Variants in HTR7 observed in about 807,000 individuals in gnomAD.
HTR7 encodes the protein 5-HT-7.
Under a neutral mutation model 34.0 loss-of-function variants are expected in HTR7, and 16 were observed. That is an observed-to-expected ratio of 0.47 (90% confidence interval 0.32 to 0.71). The LOEUF (loss-of-function observed/expected upper bound fraction) is 0.71, where lower values mean the gene tolerates loss of function less well. Ranked by LOEUF, HTR7 falls within the 30% of genes least tolerant of loss-of-function variation. The pLI, the probability that HTR7 is intolerant of heterozygous loss-of-function variation, is 0.04. For synonymous variants in HTR7, 265 were observed against 260.2 expected (o/e 1.02, Z -0.18); for missense variants, 504 against 625.5 (o/e 0.81, Z 2.07).
chr10:90,822,450 T>A (rs959899608), intron 1 of HTR7, among the ~76,000 whole-genome samples: 2 of 152,234 alleles, frequency 1.3e-5, no homozygotes, highest in African/African-American at 4.8e-5. Context: ...ATTCAAGACA[T>A]GGCCTGGCTG....
chr10:90,754,249 A>T (rs1038269963), intron 1 of HTR7, among the ~76,000 whole-genome samples: 9 of 152,104 alleles, frequency 5.9e-5, no homozygotes, highest in African/African-American at 1.7e-4. Flanking sequence ...ATAAGTTTAT[A>T]CAAAAGAAAA....
chr10:90,802,200 G>A (rs528538492), intron 1 of HTR7, among the ~76,000 whole-genome samples: 1 of 152,288 alleles, frequency 6.6e-6, no homozygotes, highest in African/African-American at 2.4e-5. Flanking sequence ...ATGTGCTTGG[G>A]TTACTTTTCT....
At chr10:90,775,668 C>T (rs1845194677) in intron 1 of HTR7, among the ~76,000 whole-genome samples, 1 of 152,166 alleles carries the variant, frequency 6.6e-6, no homozygotes, top group Non-Finnish European at 1.5e-5. Flanking sequence ...TTTTTTAGTG[C>T]TCACTCAGGC....
intron 1 of HTR7, among the ~76,000 whole-genome samples, chr10:90,785,585 C>T (rs1047584853): frequency 1.3e-5 from 2 of 152,154 alleles, no homozygotes; most frequent in Non-Finnish European, 2.9e-5. Context: ...GCACTAAATA[C>T]ATATGAATAA....
intron 1 of HTR7, among the ~76,000 whole-genome samples, chr10:90,831,808 C>T (rs556639350): frequency 8.5e-5 from 13 of 152,236 alleles, no homozygotes; most frequent in Admixed American, 6.5e-4. Context: ...TATTTACAAA[C>T]CCTGAGCTAG....
intron 1 of HTR7, among the ~76,000 whole-genome samples, chr10:90,806,907 T>G (rs994337067): frequency 6.6e-6 from 1 of 152,114 alleles, no homozygotes; most frequent in Non-Finnish European, 1.5e-5. Flanking sequence ...AAAGATAGAC[T>G]GGGGCAACAA....
intron 1 of HTR7, among the ~76,000 whole-genome samples, chr10:90,759,187 CAAAA>C (rs35551588): frequency 3.3e-5 from 4 of 119,598 alleles, no homozygotes; most frequent in Admixed American, 8.6e-5. Context: ...AACTCTGTCT[CAAAA>C]AAAAAAAAAA....
intron 1 of HTR7, among the ~76,000 whole-genome samples, chr10:90,772,893 C>A (rs1223179381): frequency 6.6e-6 from 1 of 152,162 alleles, no homozygotes; most frequent in East Asian, 1.9e-4. Context: ...CCCTATTTTA[C>A]AAATGAGGAA....
intron 1 of HTR7, among the ~76,000 whole-genome samples, chr10:90,770,757 T>C (rs1239206576): frequency 1.3e-5 from 2 of 152,186 alleles, no homozygotes; most frequent in African/African-American, 4.8e-5. Context: ...CAGGTGCCCC[T>C]TGGCCCAAGC....
At chr10:90,791,926 C>T (rs1398365616) in intron 1 of HTR7, among the ~76,000 whole-genome samples, 1 of 152,020 alleles carries the variant, frequency 6.6e-6, no homozygotes, top group Non-Finnish European at 1.5e-5. Context: ...AATCTGTTTT[C>T]AGTATACTAC....
chr10:90,780,347 C>T (rs1432058728), intron 1 of HTR7, among the ~76,000 whole-genome samples: 1 of 152,064 alleles, frequency 6.6e-6, no homozygotes, highest in Non-Finnish European at 1.5e-5. Flanking sequence ...ACCAGCCTGG[C>T]CAATGTGGTG....
At chr10:90,799,572 C>CTAGAA (rs1845594314) in intron 1 of HTR7, among the ~76,000 whole-genome samples, 1 of 152,064 alleles carries the variant, frequency 6.6e-6, no homozygotes, top group South Asian at 2.1e-4. Flanking sequence ...TAGGACTCCC[C>CTAGAA]GCAAATCATC....
intron 1 of HTR7, among the ~76,000 whole-genome samples, chr10:90,789,545 G>A (rs1275001275): frequency 6.7e-6 from 1 of 148,598 alleles, no homozygotes; most frequent in African/African-American, 2.4e-5. Context: ...GCCGAGACAT[G>A]ATCTGTTTCT....
chr10:90,742,381 A>T lies in HTR7; in HGVS notation c.*101T>A. 1 of 862,644 alleles carries T rather than the reference A, an allele frequency of 1.2e-6. No individual in the cohort carries two copies. The highest frequency in any genetic ancestry group is 1.9e-6 in the Non-Finnish European group (1 of 533,406). The allele number at this position is 862,644 out of a possible 1,614,324, so 53.4% of individuals were successfully genotyped here. A position where few individuals can be genotyped will look rare whatever the true frequency, so the allele number is the denominator to read the frequency against. ...TTTGTCATGTTTTAGACATCCCAAG[A>T]AAGGACAGAAGCTGCATTCCATTCT... is the stretch of plus-strand genomic sequence containing the variant. On this transcript the variant is annotated 3_prime_UTR_variant, in exon 4 of 4. Coordinates refer to ENST00000336152, the MANE Select transcript of HTR7 (RefSeq NM_019859.4).
At chr10:90,847,090 T>C (rs963864984) in intron 1 of HTR7, among the ~76,000 whole-genome samples, 3 of 152,214 alleles carry the variant, frequency 2.0e-5, no homozygotes, top group African/African-American at 4.8e-5. Context: ...TATAAATAAA[T>C]ACACAATATT....
At chr10:90,772,094 A>G (rs1433014524) in intron 1 of HTR7, among the ~76,000 whole-genome samples, 1 of 152,196 alleles carries the variant, frequency 6.6e-6, no homozygotes, top group Non-Finnish European at 1.5e-5. Flanking sequence ...TTACCATAAA[A>G]TTTATTAAGC....
At chr10:90,744,389 T>C (rs1180710767) in intron 2 of HTR7, among the ~76,000 whole-genome samples, 1 of 151,612 alleles carries the variant, frequency 6.6e-6, no homozygotes, top group Non-Finnish European at 1.5e-5. Flanking sequence ...AACAAGCCAA[T>C]GAAGAGACTC....
intron 1 of HTR7, among the ~76,000 whole-genome samples, chr10:90,763,673 G>A (rs1358805141): frequency 1.3e-5 from 2 of 152,094 alleles, no homozygotes; most frequent in Non-Finnish European, 2.9e-5. Flanking sequence ...GTGTCCATGA[G>A]TTCTCACTGT....
intron 1 of HTR7, among the ~76,000 whole-genome samples, chr10:90,824,872 C>T (rs537198814): frequency 6.6e-6 from 1 of 152,338 alleles, no homozygotes; most frequent in Non-Finnish European, 1.5e-5. Context: ...CAGGTCCTGG[C>T]TCCTGGGTGG....
Sources: gnomAD v4.1 joint callset for allele counts (sites outside exome capture counted in the v4.1 genomes callset) on GRCh38, gnomAD v4.1.1 for gene constraint, MANE v1.5 for transcripts, NCBI Gene and HGNC (gene_info 2026-07-23, HGNC 2026-07-21) for gene names.